SNPH: variants seen among roughly 807,000 people sequenced by gnomAD.
SNPH encodes the protein syntaphilin.
In SNPH, 10 loss-of-function variants were observed where a neutral mutation model predicts 36.8. That is an observed-to-expected ratio of 0.27 (90% confidence interval 0.17 to 0.46). The LOEUF (loss-of-function observed/expected upper bound fraction) is 0.46, where lower values mean the gene tolerates loss of function less well. Ranked by LOEUF, SNPH falls within the 20% of genes least tolerant of loss-of-function variation. SNPH has a pLI of 1.00. For missense variants in SNPH, 622 were observed against 744.0 expected (o/e 0.84, Z 1.91); for synonymous variants, 281 against 312.2 (o/e 0.90, Z 1.05).
At chr20:1,270,784 T>A (rs2122229894) in intron 2 of SNPH, among the ~76,000 whole-genome samples, 1 of 152,348 alleles carries the variant, frequency 6.6e-6, no homozygotes. Context: ...ATCCCACCTG[T>A]CTGGAGGAAC....
chr20:1,298,171 T>A (rs1399602910), intron 5 of SNPH, among the ~76,000 whole-genome samples: 1 of 152,008 alleles, frequency 6.6e-6, no homozygotes, highest in African/African-American at 2.4e-5. Flanking sequence ...CTTCCTGTCT[T>A]GAGCCTCCAT....
intron 6 of SNPH, among the ~76,000 whole-genome samples, chr20:1,303,429 C>G (rs2088527680): frequency 6.6e-6 from 1 of 152,260 alleles, no homozygotes; most frequent in Non-Finnish European, 1.5e-5. Flanking sequence ...TTCAAACTCA[C>G]TCTTTCTCCC....
In SNPH at chr20:1,296,412, G is replaced by A. The variant is rs2088435498; in HGVS notation, c.173G>A (p.Gly58Glu). The change falls in exon 4 of 7, where the codon GGA (glycine) becomes GAA (glutamate). Residue 58 changes from glycine to glutamate, a missense_variant. Coordinates refer to ENST00000381867, the MANE Select transcript of SNPH (RefSeq NM_001318234.2). The part of the protein sequence containing the change: ...SLPGSRRTSA[G>E]SRRRTSPPVS... ...CCAGGAAGTAGACGGACCTCTGCTG[G>A]ATCACGCAGGTGAGTCTCCCCCTCG... The A allele has an allele frequency of 1.9e-6, 3 of 1,600,766 alleles. No homozygotes were observed. In the South Asian group the frequency reaches 3.4e-5, roughly 18 times the overall value.
intron 2 of SNPH, among the ~76,000 whole-genome samples, chr20:1,290,144 G>T (rs746505127): frequency 6.6e-6 from 1 of 151,872 alleles, no homozygotes; most frequent in Non-Finnish European, 1.5e-5. Flanking sequence ...CCCGGGAGGC[G>T]GAGGTTGCAG....
chr20:1,266,830 C>G lies in SNPH; in HGVS notation c.-493+70C>G. On this transcript the variant is annotated intron_variant, in intron 2 of 6. Transcript: ENST00000381867. This position sits in a 1 kb window ranked among gnomAD's most constrained non-coding sequence, Gnocchi z 6.0. ...CGCGGCAGGTGGGGGCCGCTTGCAA[C>G]CGCTCGCTGCGGTAGAATCCCTTGG... is the stretch of plus-strand genomic sequence containing the variant. 7.7e-7 allele frequency: 1 copy of G among 1,304,356 alleles called. No individual in the cohort carries two copies. Among genetic ancestry groups the G allele is most frequent in the Non-Finnish European group, 9.7e-7 (1 of 1,026,914 alleles). 80.8% of individuals were successfully genotyped at this position (1,304,356 alleles called of 1,614,324 possible).
chr20:1,270,910 G>A (rs1410335446), intron 2 of SNPH, among the ~76,000 whole-genome samples: 1 of 152,198 alleles, frequency 6.6e-6, no homozygotes, highest in Non-Finnish European at 1.5e-5. Flanking sequence ...TCTACATCTA[G>A]GCCACCAGAA....
chr20:1,303,093 C>T (rs961998360), intron 6 of SNPH, among the ~76,000 whole-genome samples: 3 of 152,238 alleles, frequency 2.0e-5, no homozygotes, highest in African/African-American at 7.2e-5. Context: ...GAACCCATTG[C>T]AGGTCTTTAC....
intron 2 of SNPH, among the ~76,000 whole-genome samples, chr20:1,292,154 T>C (rs902356781): frequency 4.5e-5 from 5 of 111,694 alleles, no homozygotes; most frequent in Non-Finnish European, 1.0e-4. Context: ...TGGTGTTCCC[T>C]GAGTTTTAGT....
Position 1,266,733 on chromosome 20 carries a change from C to A in SNPH, c.-520C>A. The A allele has an allele frequency of 7.1e-7, 1 of 1,399,994 alleles. No homozygotes were observed. Among genetic ancestry groups the A allele is most frequent in the Non-Finnish European group, 9.3e-7 (1 of 1,080,762 alleles). The allele number at this position is 1,399,994 out of a possible 1,614,324, so 86.7% of individuals were successfully genotyped here. A position where few individuals can be genotyped will look rare whatever the true frequency, so the allele number is the denominator to read the frequency against. On this transcript the variant is annotated 5_prime_UTR_variant, in exon 2 of 7. Transcript: ENST00000381867. The surrounding 1 kb of genome is among the most constrained non-coding windows in gnomAD (Gnocchi z 6.0). ...GCCGGGCCGGAGTGGTGCGAGCCGGCGGGGCTGCGGAGGGCCAGTGGACTC... is the reference window on the plus strand; with the variant it reads ...GCCGGGCCGGAGTGGTGCGAGCCGGAGGGGCTGCGGAGGGCCAGTGGACTC...
At chr20:1,299,441 G>A (rs1322035918) in intron 5 of SNPH, among the ~76,000 whole-genome samples, 1 of 152,234 alleles carries the variant, frequency 6.6e-6, no homozygotes, top group African/African-American at 2.4e-5. Flanking sequence ...AAAACAACCA[G>A]CAGCCAGGAC....
At chr20:1,295,213 G>A (rs917130750) in intron 3 of SNPH, among the ~76,000 whole-genome samples, 4 of 152,126 alleles carry the variant, frequency 2.6e-5, no homozygotes, top group African/African-American at 7.2e-5. Flanking sequence ...CCCAGACTCC[G>A]GTAACTTTGG....
intron 2 of SNPH, among the ~76,000 whole-genome samples, chr20:1,275,753 G>A (rs1185946872): frequency 6.6e-6 from 1 of 152,178 alleles, no homozygotes; most frequent in Non-Finnish European, 1.5e-5. Flanking sequence ...TGATAGGAGT[G>A]AGGTGGTCTA....
rs2088012660 is a variant in SNPH, at chr20:1,266,878, T to C, written c.-493+118T>C. 1 of 1,233,048 alleles carries C rather than the reference T, an allele frequency of 8.1e-7. No individual in the cohort carries two copies. The highest frequency in any genetic ancestry group is 1.0e-6 in the Non-Finnish European group (1 of 979,020). 76.4% of individuals were successfully genotyped at this position (1,233,048 alleles called of 1,614,324 possible). Reference sequence around the variant, plus strand: ...TGGAGGGCACCAGCCTAAGAGGGGTTAATCGTGACTCATTCTTACCCTCCC... The same window carrying C: ...TGGAGGGCACCAGCCTAAGAGGGGTCAATCGTGACTCATTCTTACCCTCCC... On this transcript the variant is annotated intron_variant, in intron 2 of 6. Transcript: ENST00000381867. The surrounding 1 kb of genome is among the most constrained non-coding windows in gnomAD (Gnocchi z 6.0).
chr20:1,297,040 C>A, intron 4 of SNPH, 105 bp from the exon 5 acceptor site: 1 of 1,478,532 alleles, frequency 6.8e-7, no homozygotes, highest in South Asian at 1.4e-5. Flanking sequence ...TGTGGTGACC[C>A]CAAAGCGGGG....
chr20:1,274,214 G>C (rs2088105051), intron 2 of SNPH, among the ~76,000 whole-genome samples: 2 of 152,160 alleles, frequency 1.3e-5, no homozygotes, highest in South Asian at 2.1e-4. Context: ...CAGGATAGCA[G>C]TTTTCAGGGG....
rs1463002582 is a variant in SNPH at position 1,300,674 on chromosome 20, G to A, written c.403G>A (p.Ala135Thr). The A allele has an allele frequency of 1.9e-6, 3 of 1,612,600 alleles. No individual in the cohort carries two copies. Among genetic ancestry groups the A allele is most frequent in the Admixed American group, 3.3e-5 (2 of 60,012 alleles). The change falls in exon 6 of 7, where the codon GCC becomes ACC. Residue 135 changes from alanine to threonine, a missense_variant. By Grantham distance (58) the Ala-to-Thr change is moderately conservative. This residue lies in a region of SNPH where 187 missense variants were observed against 209.4 expected (regional missense o/e 0.89). Transcript: ENST00000381867. ...QKEVCIRHLKARLKDTQDRLQ... is the reference protein window; with the variant it reads ...QKEVCIRHLKTRLKDTQDRLQ... Reference sequence around the variant, plus strand: ...GGAGGTGTGCATCCGGCACCTGAAAGCCCGGCTGAAGGACACACAGGACCG... The same window carrying A: ...GGAGGTGTGCATCCGGCACCTGAAAACCCGGCTGAAGGACACACAGGACCG...
chr20:1,287,480 G>A (rs754918830), intron 2 of SNPH, among the ~76,000 whole-genome samples: 10 of 152,098 alleles, frequency 6.6e-5, no homozygotes, highest in Non-Finnish European at 1.2e-4. Context: ...CAGGAGTCTA[G>A]CCCCAAGCCC....
chr20:1,280,442 A>G (rs1210099979), intron 2 of SNPH, among the ~76,000 whole-genome samples: 1 of 152,246 alleles, frequency 6.6e-6, no homozygotes, highest in Admixed American at 6.5e-5. Context: ...ACAGCACTGC[A>G]TAGGCAGAAG....
chr20:1,290,143 C>T (rs1333482583), intron 2 of SNPH, among the ~76,000 whole-genome samples: 4 of 150,404 alleles, frequency 2.7e-5, no homozygotes, highest in Non-Finnish European at 4.4e-5. Flanking sequence ...ACCCGGGAGG[C>T]GGAGGTTGCA....
Sources: gnomAD v4.1 joint callset for allele counts (sites outside exome capture counted in the v4.1 genomes callset) on GRCh38, gnomAD v4.1.1 for gene constraint, gnomAD v4.1.1 regional missense constraint, Gnocchi (gnomAD v3.1) non-coding constraint, MANE v1.5 for transcripts, NCBI Gene and HGNC (gene_info 2026-07-23, HGNC 2026-07-21) for gene names.